The following UBE2E2 variants were observed in gnomAD, a reference collection of about 807,000 sequenced individuals.
UBE2E2 encodes ubiquitin-conjugating enzyme E2 E2.
In UBE2E2, 6 loss-of-function variants were observed where a neutral mutation model predicts 24.7. The ratio of observed to expected loss-of-function variants is 0.24; its 90% CI spans 0.13 to 0.48. The LOEUF (loss-of-function observed/expected upper bound fraction) is 0.48. Among genes scored for constraint, UBE2E2 ranks in the 20% least tolerant of loss-of-function variants. UBE2E2 has a pLI of 0.99. For synonymous variants in UBE2E2, 104 were observed against 83.6 expected (o/e 1.24, Z -1.33); for missense variants, 169 against 245.0 (o/e 0.69, Z 2.07).
At chr3:23,550,209 A>G (rs985328064) in intron 5 of UBE2E2, among the ~76,000 whole-genome samples, 2 of 152,174 alleles carry the variant, frequency 1.3e-5, no homozygotes, top group Non-Finnish European at 2.9e-5. Context: ...TTAGGCTCCT[A>G]TTTTTATAAT....
chr3:23,574,970 C>T (rs1434622514), intron 5 of UBE2E2, among the ~76,000 whole-genome samples: 1 of 152,128 alleles, frequency 6.6e-6, no homozygotes, highest in Non-Finnish European at 1.5e-5. Context: ...ACATGACTCT[C>T]AAAGGAAATG....
Position 23,350,855 on chromosome 3 carries a change from A to G in UBE2E2, c.227+133543A>G, listed in dbSNP as rs529173983. On this transcript the variant is annotated intron_variant, in intron 3 of 5. Transcript: ENST00000396703. ...GAACTTCCCCAATCTAGCAAGGCAGACCAACATTCAGATTCAGGAAATACA... is the reference window on the plus strand; with the variant it reads ...GAACTTCCCCAATCTAGCAAGGCAGGCCAACATTCAGATTCAGGAAATACA... 7.5e-3 allele frequency among the ~76,000 whole-genome samples: 1,146 copies of G among 152,282 alleles called. 14 individuals are homozygous for G. The highest frequency in any genetic ancestry group is 0.025 in the African/African-American group (1,026 of 41,564).
intron 3 of UBE2E2, among the ~76,000 whole-genome samples, chr3:23,281,078 CA>C (rs1698481146): frequency 6.6e-6 from 1 of 152,192 alleles, no homozygotes; most frequent in African/African-American, 2.4e-5. Context: ...GACCCACCCT[CA>C]TGACCTAATA....
chr3:23,588,105 C>G (rs915721085), intron 5 of UBE2E2, among the ~76,000 whole-genome samples: 3 of 152,270 alleles, frequency 2.0e-5, no homozygotes, highest in East Asian at 1.9e-4. Context: ...GAGTGCCTTA[C>G]AAGGTTAGTC....
chr3:23,427,914 T>C (rs1697966436), intron 3 of UBE2E2, among the ~76,000 whole-genome samples: 1 of 152,214 alleles, frequency 6.6e-6, no homozygotes, highest in South Asian at 2.1e-4. Flanking sequence ...TATCAAAATA[T>C]GTAGGACAAA....
At chr3:23,514,201 T>C (rs1379876610) in intron 4 of UBE2E2, among the ~76,000 whole-genome samples, 2 of 152,224 alleles carry the variant, frequency 1.3e-5, no homozygotes, top group African/African-American at 2.4e-5. Flanking sequence ...TGTTCAGGAC[T>C]GTTCAGAGTT....
chr3:23,233,772 A>C (rs1697029448), intron 3 of UBE2E2, among the ~76,000 whole-genome samples: 1 of 152,214 alleles, frequency 6.6e-6, no homozygotes, highest in Non-Finnish European at 1.5e-5. Flanking sequence ...GATTATCTGC[A>C]TTAATGGGAA....
Position 23,532,196 on chromosome 3 carries a change from T to C in UBE2E2, c.361-358T>C, listed in dbSNP as rs558575674. Among the ~76,000 whole-genome samples the C allele has an allele frequency of 5.3e-5, 8 of 152,330 alleles. No individual in the cohort carries two copies. The South Asian group carries it at 1.7e-3, about 32-fold the overall frequency. ...AAAATAACTGGAATCTAACAAAAGTTTTCTTTGAAATTTTTTAGAAGTCAG... is the reference window on the plus strand; with the variant it reads ...AAAATAACTGGAATCTAACAAAAGTCTTCTTTGAAATTTTTTAGAAGTCAG... On this transcript the variant is annotated intron_variant, in intron 4 of 5. Coordinates refer to ENST00000396703, the MANE Select transcript of UBE2E2 (RefSeq NM_152653.4).
intron 3 of UBE2E2, among the ~76,000 whole-genome samples, chr3:23,246,456 T>G (rs1246878531): frequency 1.3e-5 from 2 of 149,420 alleles, no homozygotes; most frequent in Non-Finnish European, 1.5e-5. Context: ...AGGATGGTCT[T>G]GATCTCCTGA....
At chr3:23,348,204 T>C (rs1035864685) in intron 3 of UBE2E2, among the ~76,000 whole-genome samples, 21 of 152,158 alleles carry the variant, frequency 1.4e-4, no homozygotes, top group Non-Finnish European at 2.8e-4. Context: ...CTATGTTCAA[T>C]TGAAATCAAC....
intron 4 of UBE2E2, among the ~76,000 whole-genome samples, chr3:23,527,979 G>A (rs755585325): frequency 1.3e-5 from 2 of 152,208 alleles, no homozygotes; most frequent in Non-Finnish European, 2.9e-5. Context: ...TTGAACCTGA[G>A]GAGGGGGTTG....
intron 3 of UBE2E2, among the ~76,000 whole-genome samples, chr3:23,313,436 G>T (rs554956364): frequency 4.1e-5 from 6 of 146,356 alleles, no homozygotes; most frequent in Admixed American, 3.5e-4. Flanking sequence ...CCAGGCTGGA[G>T]TGCAGTGGCG....
intron 3 of UBE2E2, among the ~76,000 whole-genome samples, chr3:23,247,220 T>G (rs540408165): frequency 6.6e-6 from 1 of 152,286 alleles, no homozygotes; most frequent in Admixed American, 6.5e-5. Context: ...TTATTCCAAT[T>G]TATTAATTAA....
intron 3 of UBE2E2, among the ~76,000 whole-genome samples, chr3:23,287,945 A>G (rs1698663750): frequency 2.0e-5 from 3 of 151,388 alleles, no homozygotes; most frequent in Admixed American, 2.0e-4. Flanking sequence ...TCTGATCTTT[A>G]TAATTTCTTT....
In UBE2E2 at chr3:23,589,916, G is replaced by A. The variant is rs558550065; in HGVS notation, c.*85G>A. 5.6e-4 allele frequency: 717 copies of A among 1,284,622 alleles called. 12 individuals are homozygous for A. In the South Asian group the frequency reaches 8.8e-3, roughly 16 times the overall value. The allele number at this position is 1,284,622 out of a possible 1,614,324, so 79.6% of individuals were successfully genotyped here. On this transcript the variant is annotated 3_prime_UTR_variant, in exon 6 of 6. Coordinates refer to ENST00000396703, the MANE Select transcript of UBE2E2 (RefSeq NM_152653.4). The surrounding 1 kb of genome is among the most constrained non-coding windows in gnomAD (Gnocchi z 4.1). Reference sequence around the variant, plus strand: ...AGCCCTGCCCACCCCTCCAGACCTCGGTTCTTATTTTCCTATTTTTATTAA... The same window carrying A: ...AGCCCTGCCCACCCCTCCAGACCTCAGTTCTTATTTTCCTATTTTTATTAA...
At chr3:23,479,842 T>C (rs1699218727) in intron 3 of UBE2E2, among the ~76,000 whole-genome samples, 1 of 152,162 alleles carries the variant, frequency 6.6e-6, no homozygotes, top group African/African-American at 2.4e-5. Flanking sequence ...TGGCTGAGTC[T>C]GGGGTTTTTA....
At chr3:23,557,597 C>T (rs1226717896) in intron 5 of UBE2E2, among the ~76,000 whole-genome samples, 6 of 152,136 alleles carry the variant, frequency 3.9e-5, no homozygotes, top group Admixed American at 1.3e-4. Flanking sequence ...CCACACCAGA[C>T]GCAGTGAGAA....
intron 5 of UBE2E2, among the ~76,000 whole-genome samples, chr3:23,545,105 G>GTAT (rs1695489094): frequency 6.6e-6 from 1 of 152,192 alleles, no homozygotes; most frequent in African/African-American, 2.4e-5. Flanking sequence ...TTTATACCGA[G>GTAT]ACATTCCATT....
intron 3 of UBE2E2, among the ~76,000 whole-genome samples, chr3:23,274,949 T>A (rs1172752583): frequency 6.6e-6 from 1 of 152,226 alleles, no homozygotes; most frequent in Non-Finnish European, 1.5e-5. Context: ...TTTAGAGTGC[T>A]GGTCAGGACC....
Sources: gnomAD v4.1 joint callset for allele counts (sites outside exome capture counted in the v4.1 genomes callset) on GRCh38, gnomAD v4.1.1 for gene constraint, Gnocchi (gnomAD v3.1) non-coding constraint, MANE v1.5 for transcripts, NCBI Gene and HGNC (gene_info 2026-07-23, HGNC 2026-07-21) for gene names.